The following GAS7 variants were observed in gnomAD, a reference collection of about 807,000 sequenced individuals.
GAS7 encodes growth arrest specific 7, also known as growth arrest-specific protein 7.
GAS7 carries 28 observed loss-of-function variants against 71.1 expected under a neutral mutation model. That is an observed-to-expected ratio of 0.39 (90% CI 0.29 to 0.54). GAS7 has a LOEUF of 0.54. Among genes scored for constraint, GAS7 ranks in the 20% least tolerant of loss-of-function variants. The pLI is 0.62. For missense variants in GAS7, 436 were observed against 627.8 expected (o/e 0.69, Z 3.27); for synonymous variants, 258 against 245.8 (o/e 1.05, Z -0.46).
chr17:10,002,474 A>G (rs1214360784), intron 2 of GAS7, among the ~76,000 whole-genome samples: 1 of 151,856 alleles, frequency 6.6e-6, no homozygotes, highest in Non-Finnish European at 1.5e-5. Context: ...GGTTTGTTAC[A>G]TATGTATACA....
chr17:10,047,205 C>T (rs1047582593), intron 1 of GAS7, among the ~76,000 whole-genome samples: 1 of 152,180 alleles, frequency 6.6e-6, no homozygotes, highest in Admixed American at 6.5e-5. Flanking sequence ...ACAGATGCTA[C>T]AGGCCAAGCC....
intron 1 of GAS7, among the ~76,000 whole-genome samples, chr17:10,160,980 A>G (rs1344356206): frequency 1.3e-5 from 2 of 151,642 alleles, no homozygotes; most frequent in Admixed American, 1.3e-4. Flanking sequence ...ACACACACAG[A>G]CGAAGGCATG....
At chr17:10,129,101 A>G (rs1297491517) in intron 1 of GAS7, among the ~76,000 whole-genome samples, 4 of 152,164 alleles carry the variant, frequency 2.6e-5, no homozygotes, top group Non-Finnish European at 5.9e-5. Context: ...AGACCACTCA[A>G]TGGGGGAAAG....
At chr17:9,978,508 G>T (rs1441883019) in intron 3 of GAS7, among the ~76,000 whole-genome samples, 3 of 151,232 alleles carry the variant, frequency 2.0e-5, no homozygotes, top group African/African-American at 4.9e-5. Flanking sequence ...ATAATAAGAA[G>T]AAGAAAATAA....
intron 1 of GAS7, among the ~76,000 whole-genome samples, chr17:10,093,386 A>G (rs1317774047): frequency 1.3e-5 from 2 of 151,758 alleles, no homozygotes; most frequent in Non-Finnish European, 2.9e-5. Context: ...CCTGGCTAAC[A>G]TGGTAAAACC....
rs1328098210 is a variant in GAS7, at chr17:9,974,133, C to G, written c.386-4371G>C. 6.6e-6 allele frequency among the ~76,000 whole-genome samples: 1 copy of G among 152,230 alleles called. No individual in the cohort carries two copies. The highest frequency in any genetic ancestry group is 2.4e-5 in the African/African-American group (1 of 41,454). On this transcript the variant is annotated intron_variant, in intron 3 of 13. Coordinates refer to ENST00000432992, the MANE Select transcript of GAS7 (RefSeq NM_201433.2). The surrounding 1 kb of genome is among the most constrained non-coding windows in gnomAD (Gnocchi z 4.0). ...TCCCACTTCAGTTCTGGTCTGTCAG[C>G]TGATGGCTAATTACTGCTCATGTCA...
At chr17:10,001,080 GGAACAAACCCCTGATGGCCA>G (rs1171872397) in intron 2 of GAS7, among the ~76,000 whole-genome samples, 10 of 152,098 alleles carry the variant, frequency 6.6e-5, no homozygotes, top group African/African-American at 2.4e-4. Flanking sequence ...GCTTGGCCCT[GGAACAAACCCCTGATGGCCA>G]GAACATAAGA....
At chr17:9,930,153 G>C (rs2068157990) in intron 9 of GAS7, among the ~76,000 whole-genome samples, 1 of 152,160 alleles carries the variant, frequency 6.6e-6, no homozygotes, top group African/African-American at 2.4e-5. Context: ...AAATACCAGA[G>C]TACATTTTAA....
chr17:10,059,362 A>C (rs1029108232), intron 1 of GAS7, among the ~76,000 whole-genome samples: 36 of 152,202 alleles, frequency 2.4e-4, no homozygotes, highest in African/African-American at 8.4e-4. Flanking sequence ...CAGGAAACTG[A>C]GGTAAATCCC....
intron 1 of GAS7, among the ~76,000 whole-genome samples, chr17:10,084,747 G>A (rs186644389): frequency 7.9e-4 from 121 of 152,284 alleles, no homozygotes; most frequent in Non-Finnish European, 1.0e-3. Context: ...GATTACAGGC[G>A]TGAGCCCCCG....
chr17:9,968,438 C>T (rs2069814314), intron 4 of GAS7, among the ~76,000 whole-genome samples: 1 of 152,236 alleles, frequency 6.6e-6, no homozygotes, highest in African/African-American at 2.4e-5. Flanking sequence ...CCAGCTCACT[C>T]TAAGTCCATC....
chr17:9,980,575 C>T (rs1226120364), intron 3 of GAS7, among the ~76,000 whole-genome samples: 4 of 152,218 alleles, frequency 2.6e-5, no homozygotes, highest in Admixed American at 2.6e-4. Flanking sequence ...TCATGCTTTG[C>T]TGCCAGATTG....
chr17:10,158,379 G>A (rs1567614115), intron 1 of GAS7, among the ~76,000 whole-genome samples: 1 of 151,146 alleles, frequency 6.6e-6, no homozygotes, highest in Admixed American at 6.6e-5. Flanking sequence ...GGTGCAGGGG[G>A]CTCGCATCTG....
At chr17:9,980,529 A>C (rs1488411226) in intron 3 of GAS7, among the ~76,000 whole-genome samples, 1 of 152,208 alleles carries the variant, frequency 6.6e-6, no homozygotes, top group Non-Finnish European at 1.5e-5. Flanking sequence ...AGGCATTGGA[A>C]GATTAAATTC....
chr17:10,167,274 CT>C, intron 1 of GAS7, among the ~76,000 whole-genome samples: 1 of 152,008 alleles, frequency 6.6e-6, no homozygotes, highest in Non-Finnish European at 1.5e-5. Context: ...TCAGGCTGTT[CT>C]CGAACTCCTG....
chr17:9,929,128 T>C (rs749338597), intron 9 of GAS7, among the ~76,000 whole-genome samples: 1 of 152,182 alleles, frequency 6.6e-6, no homozygotes, highest in Non-Finnish European at 1.5e-5. Context: ...AGGTTTGGCA[T>C]TTGCTGAGTA....
chr17:10,155,977 T>A (rs2074202244), intron 1 of GAS7, among the ~76,000 whole-genome samples: 1 of 151,906 alleles, frequency 6.6e-6, no homozygotes, highest in Admixed American at 6.6e-5. Flanking sequence ...TCACCAAGAG[T>A]CAGGTTCGAA....
chr17:10,061,733 T>C (rs1405752133), intron 1 of GAS7, among the ~76,000 whole-genome samples: 1 of 152,086 alleles, frequency 6.6e-6, no homozygotes, highest in Non-Finnish European at 1.5e-5. Context: ...ACCCACCCCC[T>C]TTCAGGCCCC....
At position 9,979,121 on chromosome 17, in the gene GAS7, A is replaced by G. The variant is rs73974359; in HGVS notation, c.385+2683T>C. Among the ~76,000 whole-genome samples, 560 of 152,380 alleles carry G rather than the reference A, an allele frequency of 3.7e-3. 3 individuals are homozygous for G. The highest frequency in any genetic ancestry group is 0.013 in the African/African-American group (529 of 41,592). ...AACACATATGTGGTATGTTTCAAACAAAGAAACAAAGCACAAACGAACTGA... is the reference window on the plus strand; with the variant it reads ...AACACATATGTGGTATGTTTCAAACGAAGAAACAAAGCACAAACGAACTGA... On this transcript the variant is annotated intron_variant, in intron 3 of 13. Transcript: ENST00000432992.
Sources: allele counts gnomAD v4.1 joint callset (sites outside exome capture counted in the v4.1 genomes callset), GRCh38; gene constraint gnomAD v4.1.1; non-coding constraint Gnocchi (gnomAD v3.1); transcripts MANE v1.5; gene names NCBI Gene and HGNC (gene_info 2026-07-23, HGNC 2026-07-21).